Variants in FHIT observed in about 807,000 individuals in gnomAD.
The protein encoded by FHIT is fragile histidine triad diadenosine triphosphatase.
A neutral mutation model predicts 17.9 loss-of-function variants in FHIT; 19 were observed. The ratio of observed to expected loss-of-function variants is 1.06; its 90% CI spans 0.74 to 1.56. The LOEUF is 1.56. Among genes scored for constraint, FHIT ranks in the 40% most tolerant of loss-of-function variants. The pLI is 0.00. For synonymous variants in FHIT, 81 were observed against 69.7 expected (o/e 1.16, Z -0.81); for missense variants, 248 against 189.2 (o/e 1.31, Z -1.82).
intron 8 of FHIT, among the ~76,000 whole-genome samples, chr3:59,778,610 G>A (rs1559597749): frequency 6.6e-6 from 1 of 152,164 alleles, no homozygotes; most frequent in Non-Finnish European, 1.5e-5. Flanking sequence ...ACTTGGCTGT[G>A]TTCCGATAAA....
chr3:60,018,424 C>T (rs1251442241), intron 5 of FHIT, among the ~76,000 whole-genome samples: 1 of 152,100 alleles, frequency 6.6e-6, no homozygotes, highest in Non-Finnish European at 1.5e-5. Flanking sequence ...GTGTGACTTT[C>T]CAAGGTTAGG....
intron 5 of FHIT, among the ~76,000 whole-genome samples, chr3:60,399,998 C>T (rs930341800): frequency 1.3e-5 from 2 of 152,088 alleles, no homozygotes; most frequent in Admixed American, 1.3e-4. Context: ...AGTTCTATTA[C>T]AGGAAGAGGA....
At chr3:61,228,627 G>A (rs1050635554) in intron 1 of FHIT, among the ~76,000 whole-genome samples, 4 of 152,144 alleles carry the variant, frequency 2.6e-5, no homozygotes, top group Non-Finnish European at 4.4e-5. Flanking sequence ...CCCTAAGAAG[G>A]TAGGGGTGAA....
intron 3 of FHIT, among the ~76,000 whole-genome samples, chr3:60,822,643 C>G (rs73109670): frequency 1.3e-5 from 2 of 152,014 alleles, no homozygotes; most frequent in Non-Finnish European, 2.9e-5. Flanking sequence ...CTCTATCAAA[C>G]GGGTATAATA....
chr3:59,986,498 A>AATATATATAT (rs74199531), intron 7 of FHIT, among the ~76,000 whole-genome samples: 1 of 62,324 alleles, frequency 1.6e-5, no homozygotes, highest in African/African-American at 7.1e-5. Flanking sequence ...AGTAGTCCAA[A>AATATATATAT]ATATATATAT....
intron 5 of FHIT, among the ~76,000 whole-genome samples, chr3:60,036,814 AT>A (rs1181977680): frequency 1.3e-5 from 2 of 152,194 alleles, no homozygotes; most frequent in Non-Finnish European, 2.9e-5. Context: ...ATAGAGACAC[AT>A]TGGGCCATAT....
chr3:61,163,088 T>C (rs932158696), intron 2 of FHIT, among the ~76,000 whole-genome samples: 4 of 152,192 alleles, frequency 2.6e-5, no homozygotes, highest in Admixed American at 6.5e-5. Flanking sequence ...GCTGTACTCC[T>C]GTCTCTCACA....
At chr3:60,434,236 T>A (rs1024235166) in intron 5 of FHIT, among the ~76,000 whole-genome samples, 1 of 152,136 alleles carries the variant, frequency 6.6e-6, no homozygotes, top group Non-Finnish European at 1.5e-5. Flanking sequence ...TACATCCCAC[T>A]ATCTACCTCT....
chr3:61,212,450 G>A (rs1229207463), intron 1 of FHIT, among the ~76,000 whole-genome samples: 2 of 152,200 alleles, frequency 1.3e-5, no homozygotes, highest in Middle Eastern at 3.4e-3. Flanking sequence ...GAAGTTTAGA[G>A]AAAAAATAAT....
chr3:60,195,679 G>A (rs898269341), intron 5 of FHIT, among the ~76,000 whole-genome samples: 2 of 148,238 alleles, frequency 1.3e-5, no homozygotes, highest in Non-Finnish European at 3.0e-5. Flanking sequence ...TGTATACCAT[G>A]GAATACTACT....
intron 5 of FHIT, among the ~76,000 whole-genome samples, chr3:60,276,429 T>C (rs1450332903): frequency 6.6e-6 from 1 of 152,126 alleles, no homozygotes; most frequent in African/African-American, 2.4e-5. Context: ...AAAAGGAGGC[T>C]GAAGGTGCAA....
chr3:60,841,684 G>A (rs1214350029), intron 3 of FHIT, among the ~76,000 whole-genome samples: 1 of 152,088 alleles, frequency 6.6e-6, no homozygotes, highest in Non-Finnish European at 1.5e-5. Context: ...ACAAGAAACC[G>A]CAAATGAAGG....
chr3:61,123,939 G>GT (rs1460473621), intron 2 of FHIT, among the ~76,000 whole-genome samples: 1 of 152,166 alleles, frequency 6.6e-6, no homozygotes, highest in Non-Finnish European at 1.5e-5. Flanking sequence ...GAATAACATA[G>GT]TATCAAAAGC....
chr3:60,178,943 A>G (rs925970282), intron 5 of FHIT, among the ~76,000 whole-genome samples: 2 of 152,170 alleles, frequency 1.3e-5, no homozygotes, highest in Non-Finnish European at 2.9e-5. Flanking sequence ...TTTATATAAA[A>G]TACGTATTAC....
intron 1 of FHIT, among the ~76,000 whole-genome samples, chr3:61,211,373 GT>G (rs1041183250): frequency 5.9e-5 from 9 of 152,350 alleles, no homozygotes; most frequent in East Asian, 1.9e-4. Context: ...GGCTCGAAGG[GT>G]CCTATGCCCA....
chr3:60,359,734 C>A lies in FHIT; in HGVS notation c.103+177126G>T, dbSNP rs201884747. 8.5e-5 allele frequency among the ~76,000 whole-genome samples: 13 copies of A among 152,242 alleles called. No individual in the cohort carries two copies. In the East Asian group the frequency reaches 2.5e-3, roughly 29 times the overall value. On this transcript the variant is annotated intron_variant, in intron 5 of 9. Transcript: ENST00000492590. ...CTTTTTCTGGATAGATTATGAAATTCCAGTGTATTCCAGACAGGTCCATTT... is the reference window on the plus strand; with the variant it reads ...CTTTTTCTGGATAGATTATGAAATTACAGTGTATTCCAGACAGGTCCATTT...
chr3:60,356,817 G>A (rs1481323786), intron 5 of FHIT, among the ~76,000 whole-genome samples: 2 of 137,858 alleles, frequency 1.5e-5, no homozygotes, highest in Non-Finnish European at 3.1e-5. Context: ...CAGAAACTTG[G>A]AATAATAATT....
intron 3 of FHIT, among the ~76,000 whole-genome samples, chr3:60,892,995 T>G (rs1451138690): frequency 6.6e-6 from 1 of 152,212 alleles, no homozygotes; most frequent in African/African-American, 2.4e-5. Flanking sequence ...CATATGACTT[T>G]TGATGGGGTT....
At chr3:60,071,656 G>A (rs914435883) in intron 5 of FHIT, among the ~76,000 whole-genome samples, 1 of 152,120 alleles carries the variant, frequency 6.6e-6, no homozygotes, top group African/African-American at 2.4e-5. Flanking sequence ...TGCTCAAAAG[G>A]GGGACAGAAT....
Sources: gnomAD v4.1 joint callset for allele counts (sites outside exome capture counted in the v4.1 genomes callset) on GRCh38, gnomAD v4.1.1 for gene constraint, MANE v1.5 for transcripts, NCBI Gene and HGNC (gene_info 2026-07-23, HGNC 2026-07-21) for gene names.